The following CD99L2 variants were observed in gnomAD, a reference collection of about 807,000 sequenced individuals.
CD99L2 encodes CD99 antigen-like protein 2.
A neutral mutation model predicts 27.3 loss-of-function variants in CD99L2; 24 were observed. The ratio of observed to expected loss-of-function variants is 0.88; its 90% CI spans 0.64 to 1.24. The LOEUF (loss-of-function observed/expected upper bound fraction) is 1.24, where lower values mean the gene tolerates loss of function less well. CD99L2 is among the 50% of genes most tolerant of loss of function. CD99L2 has a pLI of 0.00. For synonymous variants in CD99L2, 97 were observed against 87.9 expected (o/e 1.10, Z -0.58); for missense variants, 255 against 221.6 (o/e 1.15, Z -0.96).
intron 8 of CD99L2, among the ~76,000 whole-genome samples, chrX:150,776,537 A>T (rs1382199598): frequency 8.9e-6 from 1 of 111,861 alleles, no homozygotes; most frequent in African/African-American, 3.3e-5. Context: ...AAAGGGAGAC[A>T]CGGAAATGGT....
chrX:150,879,190 C>T (rs1169857453), intron 1 of CD99L2, among the ~76,000 whole-genome samples: 3 of 111,629 alleles, frequency 2.7e-5, no homozygotes, highest in African/African-American at 9.8e-5. Context: ...AGAAGTCACA[C>T]TCCAGTTTGA....
intron 2 of CD99L2, chrX:150,819,138 T>C (rs1467230272): frequency 1.5e-5 from 5 of 344,442 alleles, no homozygotes; most frequent in African/African-American, 1.3e-4. Flanking sequence ...ATGTGGTCTT[T>C]GGCAAGGTCA....
At chrX:150,815,042 C>G in intron 3 of CD99L2, 106 bp from the exon 4 acceptor site, 1 of 759,518 alleles carries the variant, frequency 1.3e-6, no homozygotes, top group Non-Finnish European at 2.0e-6. Flanking sequence ...TCAATACCAA[C>G]AATGGGTTAA....
chrX:150,797,371 T>C (rs1267657299), intron 4 of CD99L2, among the ~76,000 whole-genome samples: 1 of 112,374 alleles, frequency 8.9e-6, no homozygotes, highest in Non-Finnish European at 1.9e-5. Flanking sequence ...TGAACATTTT[T>C]TAGCTCACAT....
intron 1 of CD99L2, among the ~76,000 whole-genome samples, chrX:150,861,028 G>C (rs1339292443): frequency 2.8e-5 from 3 of 107,211 alleles, no homozygotes; most frequent in African/African-American, 6.8e-5. Flanking sequence ...TGTAGTCCCA[G>C]CTACTCGGGA....
intron 10 of CD99L2, among the ~76,000 whole-genome samples, chrX:150,770,045 C>G (rs781834687): frequency 1.8e-5 from 2 of 112,832 alleles, no homozygotes; most frequent in Admixed American, 9.3e-5. Context: ...CTGGCTCGGA[C>G]GGACGAATCA....
intron 1 of CD99L2, among the ~76,000 whole-genome samples, chrX:150,892,448 T>C (rs2047529902): frequency 3.9e-5 from 4 of 103,702 alleles, no homozygotes; most frequent in African/African-American, 1.4e-4. Flanking sequence ...CTACTACAAA[T>C]ACAAAAAATT....
intron 7 of CD99L2, among the ~76,000 whole-genome samples, chrX:150,782,575 G>A (rs968140586): frequency 5.3e-5 from 6 of 112,432 alleles, no homozygotes; most frequent in Non-Finnish European, 1.1e-4. Flanking sequence ...TCCCAGGTAC[G>A]TGTTTGGGGA....
At chrX:150,821,523 A>T (rs539100248) in intron 2 of CD99L2, among the ~76,000 whole-genome samples, 1 of 112,208 alleles carries the variant, frequency 8.9e-6, no homozygotes, top group Non-Finnish European at 1.9e-5. Flanking sequence ...TGGACCAAAC[A>T]TCTAAATATA....
chrX:150,800,631 C>A (rs2045889780), intron 4 of CD99L2, among the ~76,000 whole-genome samples: 1 of 111,045 alleles, frequency 9.0e-6, no homozygotes, highest in Non-Finnish European at 1.9e-5. Context: ...GTCCCAGAAC[C>A]AATGCCCAGC....
chrX:150,871,475 A>T lies in CD99L2; in HGVS notation c.67+27047T>A, dbSNP rs782705949. ...ATGACAGAAAAATCAAAGCTGGAGG[A>T]GCCGAACACCAGCAAATATTGGATA... is the stretch of plus-strand genomic sequence containing the variant. On this transcript the variant is annotated intron_variant, in intron 1 of 10. Transcript: ENST00000370377. Among the ~76,000 whole-genome samples, 12 of 112,240 alleles carry T rather than the reference A, an allele frequency of 1.1e-4. No individual in the cohort carries two copies. In the East Asian group the frequency reaches 3.1e-3, roughly 29 times the overall value.
At chrX:150,874,776 C>T (rs1557422270) in intron 1 of CD99L2, among the ~76,000 whole-genome samples, 1 of 112,263 alleles carries the variant, frequency 8.9e-6, no homozygotes. Flanking sequence ...ATCACTCCTA[C>T]TTGGTGGCCT....
intron 4 of CD99L2, among the ~76,000 whole-genome samples, chrX:150,808,531 T>A (rs180960398): frequency 1.7e-3 from 187 of 111,745 alleles, no homozygotes; most frequent in African/African-American, 5.9e-3. Flanking sequence ...TAGACAGAAT[T>A]CTAAGATGGC....
At chrX:150,866,859 T>G (rs1293139107) in intron 1 of CD99L2, among the ~76,000 whole-genome samples, 11 of 111,349 alleles carry the variant, frequency 9.9e-5, no homozygotes, top group Middle Eastern at 4.6e-3. Context: ...TTATACAGGT[T>G]TTTGAACAGG....
At position 150,782,879 on chromosome X, in the gene CD99L2, A is replaced by G. The variant is rs782617262; in HGVS notation, c.497-5397T>C. Among the ~76,000 whole-genome samples, 487 of 111,054 alleles carry G rather than the reference A, an allele frequency of 4.4e-3. 7 individuals are homozygous for G. Among genetic ancestry groups the G allele is most frequent in the African/African-American group, 0.015 (458 of 30,449 alleles). ...TTCAGGAGACACAAACATTTAGTCCATAACAGAAAGGGATCATGAGAGGGC... is the reference window on the plus strand; with the variant it reads ...TTCAGGAGACACAAACATTTAGTCCGTAACAGAAAGGGATCATGAGAGGGC... On this transcript the variant is annotated intron_variant, in intron 7 of 10. Coordinates refer to ENST00000370377, the MANE Select transcript of CD99L2 (RefSeq NM_031462.4).
chrX:150,883,228 A>G (rs1191035709), intron 1 of CD99L2, among the ~76,000 whole-genome samples: 1 of 111,813 alleles, frequency 8.9e-6, no homozygotes, highest in South Asian at 3.7e-4. Context: ...AACAAAAAAA[A>G]CCATGACAAC....
At chrX:150,823,655 G>A (rs964781196) in intron 2 of CD99L2, among the ~76,000 whole-genome samples, 1 of 111,621 alleles carries the variant, frequency 9.0e-6, no homozygotes, top group African/African-American at 3.3e-5. Context: ...GTCCAAGGTT[G>A]AGGTGCTGCA....
chrX:150,769,329 C>T (rs1449479854), intron 10 of CD99L2, among the ~76,000 whole-genome samples: 1 of 111,987 alleles, frequency 8.9e-6, no homozygotes. Flanking sequence ...CATCTCCTCA[C>T]CTAAAAAATG....
intron 1 of CD99L2, among the ~76,000 whole-genome samples, chrX:150,874,877 C>T (rs2047206901): frequency 8.9e-6 from 1 of 111,930 alleles, no homozygotes; most frequent in African/African-American, 3.3e-5. Context: ...CAGACTGATT[C>T]CACCTGTTCC....
Sources: gnomAD v4.1 joint callset for allele counts (sites outside exome capture counted in the v4.1 genomes callset) on GRCh38, gnomAD v4.1.1 for gene constraint, MANE v1.5 for transcripts, NCBI Gene and HGNC (gene_info 2026-07-23, HGNC 2026-07-21) for gene names.